Variants in GALNT16 observed in about 807,000 individuals in gnomAD.
The protein encoded by GALNT16 is UDP-GalNAc:polypeptide N-acetylgalactosaminyltransferase-like protein 1.
In GALNT16, 40 loss-of-function variants were observed where a neutral mutation model predicts 76.1. That is an observed-to-expected ratio of 0.53 (90% confidence interval 0.41 to 0.68). The LOEUF (loss-of-function observed/expected upper bound fraction) is 0.68, where lower values mean the gene tolerates loss of function less well. GALNT16 is among the 30% of genes least tolerant of loss of function. GALNT16 has a pLI of 0.00. For missense variants in GALNT16, 621 were observed against 731.9 expected, an observed-to-expected ratio of 0.85 and a Z score of 1.75; for synonymous variants, 276 against 285.2, an observed-to-expected ratio of 0.97 and a Z score of 0.32.
chr14:69,305,795 G>GT, intron 1 of GALNT16, among the ~76,000 whole-genome samples: 1 of 151,884 alleles, frequency 6.6e-6, no homozygotes. Flanking sequence ...GTTTATTTTT[G>GT]TTTTTGTTGC....
intron 1 of GALNT16, among the ~76,000 whole-genome samples, chr14:69,264,854 C>T (rs1185002996): frequency 8.8e-6 from 1 of 113,166 alleles, no homozygotes. Flanking sequence ...CACTCTGTCA[C>T]CCAGGCTGGA....
intron 1 of GALNT16, among the ~76,000 whole-genome samples, chr14:69,317,088 C>T (rs1046085962): frequency 6.6e-6 from 1 of 152,138 alleles, no homozygotes; most frequent in African/African-American, 2.4e-5. Flanking sequence ...TTTCACTACC[C>T]CCTCCAGAGA....
rs769195978 is a variant in GALNT16, at chr14:69,328,436, T to TA, written c.569-13dup. 6.2e-7 allele frequency: 1 copy of TA among 1,612,992 alleles called. No homozygotes were observed. Among genetic ancestry groups the TA allele is most frequent in the Non-Finnish European group, 8.5e-7 (1 of 1,179,354 alleles). Reference sequence around the variant, plus strand: ...CCCAGTCCCAGCGCCAAGCCCTATCTACTCCTCTTGTAGGGCTGATCCGGT... The same window carrying TA: ...CCCAGTCCCAGCGCCAAGCCCTATCTAACTCCTCTTGTAGGGCTGATCCGGT... On this transcript the variant is annotated splice_polypyrimidine_tract_variant and intron_variant, in intron 5 of 14. Transcript: ENST00000448469.
At chr14:69,291,866 A>G (rs1184973539) in intron 1 of GALNT16, among the ~76,000 whole-genome samples, 1 of 152,238 alleles carries the variant, frequency 6.6e-6, no homozygotes, top group African/African-American at 2.4e-5. Flanking sequence ...GATCCGTGCC[A>G]TAAAAGCAGA....
chr14:69,371,160 C>G, the GALNT16 span, among the ~76,000 whole-genome samples: 1 of 152,328 alleles, frequency 6.6e-6, no homozygotes, highest in East Asian at 1.9e-4. Context: ...ACTGGACTGC[C>G]CTGGGGTCCT....
At chr14:69,334,678 A>G (rs890971619) in intron 9 of GALNT16, among the ~76,000 whole-genome samples, 5 of 152,132 alleles carry the variant, frequency 3.3e-5, no homozygotes, top group Admixed American at 3.3e-4. Context: ...CTTGGGGCAC[A>G]TGCAGCCAGC....
chr14:69,310,590 A>G (rs2045004019), intron 1 of GALNT16, among the ~76,000 whole-genome samples: 1 of 152,216 alleles, frequency 6.6e-6, no homozygotes, highest in Non-Finnish European at 1.5e-5. Flanking sequence ...CTAACAATGT[A>G]TGGTTCAGTG....
In GALNT16 at chr14:69,324,672, C is replaced by T. The variant is rs764710424; in HGVS notation, c.336-20C>T. ...AGGATGCCCTCATGGCTGGCTCTGA[C>T]CTCTGTGCTCCCTTCTCAGCTGCCC... On this transcript the variant is annotated intron_variant, in intron 2 of 14. Coordinates refer to ENST00000448469, the MANE Select transcript of GALNT16 (RefSeq NM_001168368.2). 39 of 1,500,582 alleles carry T rather than the reference C, an allele frequency of 2.6e-5. 1 individual carries two copies. The East Asian group carries it at 8.6e-4, about 33-fold the overall frequency. 93.0% of individuals were successfully genotyped at this position (1,500,582 alleles called of 1,614,324 possible).
chr14:69,279,713 C>A (rs1355403160), intron 1 of GALNT16, among the ~76,000 whole-genome samples: 2 of 152,202 alleles, frequency 1.3e-5, no homozygotes, highest in African/African-American at 2.4e-5. Context: ...TGAAGATGAG[C>A]GTGTGCTTGG....
chr14:69,277,865 C>T (rs2044493698), intron 1 of GALNT16, among the ~76,000 whole-genome samples: 4 of 152,220 alleles, frequency 2.6e-5, no homozygotes, highest in Non-Finnish European at 5.9e-5. Flanking sequence ...TCCTATTTCT[C>T]CACATCCTCT....
rs1243264723 is a variant in GALNT16 at position 69,261,522 on chromosome 14, T to TGGGGC, written c.177+1060_177+1064dup. On this transcript the variant is annotated intron_variant, in intron 1 of 14. Transcript: ENST00000448469. The surrounding 1 kb of genome is among the most constrained non-coding windows in gnomAD (Gnocchi z 6.4). The stretch of plus-strand genomic sequence containing the variant: ...GAGGACCAGGAAGAGGAGAGCCGAG[T>TGGGGC]GGGGCGGGGGTAAAGGAGTGAGGAA... Among the ~76,000 whole-genome samples the TGGGGC allele has an allele frequency of 1.0e-5, 1 of 98,664 alleles. No homozygotes were observed. Among genetic ancestry groups the TGGGGC allele is most frequent in the Non-Finnish European group, 2.1e-5 (1 of 47,300 alleles). The allele number at this position is 98,664 out of a possible 152,430, so 64.7% of individuals were successfully genotyped here.
intron 12 of GALNT16, among the ~76,000 whole-genome samples, chr14:69,342,513 G>GGAGGGAGGGAGA (rs2045505266): frequency 1.1e-5 from 1 of 94,382 alleles, no homozygotes; most frequent in Non-Finnish European, 2.5e-5. Flanking sequence ...AGGGAGGAAG[G>GGAGGGAGGGAGA]AAGGGGAGAG....
the GALNT16 span, among the ~76,000 whole-genome samples, chr14:69,384,047 A>G: frequency 6.6e-6 from 1 of 152,146 alleles, no homozygotes. Context: ...TTAATGACAT[A>G]CTTGTATATC....
chr14:69,378,036 A>G, the GALNT16 span, among the ~76,000 whole-genome samples: 1 of 152,174 alleles, frequency 6.6e-6, no homozygotes, highest in African/African-American at 2.4e-5. Context: ...CTTTTAGGAC[A>G]GTACAAAATT....
intron 1 of GALNT16, among the ~76,000 whole-genome samples, chr14:69,297,303 A>C (rs544543946): frequency 6.6e-6 from 1 of 152,360 alleles, no homozygotes; most frequent in East Asian, 1.9e-4. Context: ...TCACCAATAG[A>C]GTGAGTTATC....
chr14:69,355,745 G>C (rs1462823676), downstream of GALNT16: 1 of 152,296 alleles, frequency 6.6e-6, no homozygotes, highest in Non-Finnish European at 1.5e-5. Context: ...ACCAGGGCCA[G>C]ACTCCCATTT....
chr14:69,299,607 C>T (rs2044820556), intron 1 of GALNT16, among the ~76,000 whole-genome samples: 1 of 152,166 alleles, frequency 6.6e-6, no homozygotes, highest in African/African-American at 2.4e-5. Flanking sequence ...GGAAGAGGTT[C>T]TGTCATTGTC....
chr14:69,324,820 G>A (rs1174018805), intron 3 of GALNT16, 30 bp downstream of exon 3: 9 of 1,439,386 alleles, frequency 6.3e-6, no homozygotes, highest in Non-Finnish European at 8.6e-6. Flanking sequence ...TCTCATCTCA[G>A]TGGTGCTGGC....
chr14:69,337,210 G>C (rs2045426217), intron 9 of GALNT16, among the ~76,000 whole-genome samples: 1 of 152,168 alleles, frequency 6.6e-6, no homozygotes, highest in African/African-American at 2.4e-5. Context: ...GACACAATGT[G>C]AACTTGATGC....
Sources: gnomAD v4.1 joint callset for allele counts (sites outside exome capture counted in the v4.1 genomes callset) on GRCh38, gnomAD v4.1.1 for gene constraint, Gnocchi (gnomAD v3.1) non-coding constraint, MANE v1.5 for transcripts, NCBI Gene and HGNC (gene_info 2026-07-23, HGNC 2026-07-21) for gene names.